The following LRP1B variants were observed in gnomAD, a reference collection of about 807,000 sequenced individuals.
LRP1B encodes the protein LDL receptor related protein 1B.
A neutral mutation model predicts 556.6 loss-of-function variants in LRP1B; 217 were observed. The observed-to-expected ratio is 0.39, with a 90% confidence interval of 0.35 to 0.44. The LOEUF (loss-of-function observed/expected upper bound fraction) is 0.44, where lower values mean the gene tolerates loss of function less well. LRP1B is among the 20% of genes least tolerant of loss of function. The probability of loss-of-function intolerance (pLI) is 1.00; values close to 1 mark genes in which losing one functional copy is unlikely to be tolerated. For missense variants in LRP1B, 5,053 were observed against 5,620.8 expected (o/e 0.90, Z 3.23); for synonymous variants, 2,047 against 1,865.8 (o/e 1.10, Z -2.50).
intron 6 of LRP1B, among the ~76,000 whole-genome samples, chr2:141,197,723 G>T (rs762487203): frequency 2.6e-5 from 4 of 152,074 alleles, no homozygotes; most frequent in Non-Finnish European, 5.9e-5. Context: ...GGGAAATATG[G>T]TAACTTCAAA....
intron 2 of LRP1B, among the ~76,000 whole-genome samples, chr2:141,669,011 G>C (rs1301694874): frequency 6.6e-6 from 1 of 152,152 alleles, no homozygotes; most frequent in Admixed American, 6.5e-5. Flanking sequence ...GAACTCTGCT[G>C]TTTTAATATC....
intron 41 of LRP1B, chr2:140,683,485 G>A (rs777766862): frequency 1.4e-4 from 81 of 572,224 alleles, no homozygotes; most frequent in Non-Finnish European, 1.1e-4. Flanking sequence ...CTGACCCAAG[G>A]TTTGAGATCT....
chr2:140,683,718 C>A, intron 41 of LRP1B: 2 of 751,598 alleles, frequency 2.7e-6, no homozygotes, highest in Admixed American at 3.7e-5. Context: ...TAGAGACACT[C>A]TGTGCTCCCC....
intron 41 of LRP1B, among the ~76,000 whole-genome samples, chr2:140,640,224 C>G (rs1201087415): frequency 3.9e-5 from 5 of 129,334 alleles, no homozygotes; most frequent in African/African-American, 1.6e-4. Context: ...GATCTCCTGA[C>G]TCGTGATCCA....
intron 11 of LRP1B, among the ~76,000 whole-genome samples, chr2:141,045,413 A>T (rs1461587059): frequency 3.4e-5 from 5 of 148,512 alleles, no homozygotes; most frequent in Non-Finnish European, 7.4e-5. Context: ...TAAAACTTAA[A>T]GTGTAATAAT....
chr2:141,411,123 G>A (rs1346826715), intron 3 of LRP1B, among the ~76,000 whole-genome samples: 2 of 151,964 alleles, frequency 1.3e-5, no homozygotes, highest in East Asian at 3.9e-4. Context: ...CTTAGATAAG[G>A]AAACAGAAGA....
At chr2:141,059,836 G>A (rs113368001) in intron 8 of LRP1B, among the ~76,000 whole-genome samples, 63 of 151,732 alleles carry the variant, frequency 4.2e-4, no homozygotes, top group African/African-American at 1.4e-3. Context: ...GAATACATGT[G>A]CTGATTTTCT....
At chr2:142,001,411 G>C (rs928959209) in intron 1 of LRP1B, among the ~76,000 whole-genome samples, 2 of 152,118 alleles carry the variant, frequency 1.3e-5, no homozygotes, top group African/African-American at 4.8e-5. Flanking sequence ...ATCCAATAAA[G>C]TCTCGTGAAG....
At chr2:140,324,701 CTGAAATTTA>C (rs1476766654) in intron 80 of LRP1B, among the ~76,000 whole-genome samples, 1 of 151,708 alleles carries the variant, frequency 6.6e-6, no homozygotes, top group Non-Finnish European at 1.5e-5. Flanking sequence ...ACTTTTGAAA[CTGAAATTTA>C]TAACAAAACG....
chr2:141,597,142 G>A (rs781709655), intron 2 of LRP1B, among the ~76,000 whole-genome samples: 1 of 151,786 alleles, frequency 6.6e-6, no homozygotes, highest in Non-Finnish European at 1.5e-5. Context: ...TTGACCCAAA[G>A]TGATTCTGAC....
At chr2:140,898,601 A>G (rs1406403002) in intron 23 of LRP1B, 2 of 343,086 alleles carry the variant, frequency 5.8e-6, no homozygotes, top group Non-Finnish European at 1.2e-5. Flanking sequence ...CTGATACAAA[A>G]GTTCACTCTG....
At chr2:141,432,245 A>T (rs1001809623) in intron 3 of LRP1B, among the ~76,000 whole-genome samples, 1 of 152,084 alleles carries the variant, frequency 6.6e-6, no homozygotes, top group Non-Finnish European at 1.5e-5. Context: ...ATTAATATTA[A>T]CACTAATTTT....
At chr2:141,082,897 T>G (rs1240819562) in intron 7 of LRP1B, among the ~76,000 whole-genome samples, 1 of 152,214 alleles carries the variant, frequency 6.6e-6, no homozygotes, top group Non-Finnish European at 1.5e-5. Flanking sequence ...TGGGCCAAAG[T>G]GGCCATATTT....
intron 35 of LRP1B, among the ~76,000 whole-genome samples, chr2:140,719,109 T>C (rs918388644): frequency 6.6e-6 from 1 of 152,160 alleles, no homozygotes; most frequent in Non-Finnish European, 1.5e-5. Context: ...GCTGGGACTT[T>C]ATTTCATTTG....
chr2:142,110,300 A>G (rs1706926570), intron 1 of LRP1B, among the ~76,000 whole-genome samples: 2 of 152,296 alleles, frequency 1.3e-5, no homozygotes, highest in South Asian at 4.1e-4. Context: ...GTGAAAAGAT[A>G]TAATGAAAAT....
At chr2:141,450,167 G>C (rs894267107) in intron 3 of LRP1B, among the ~76,000 whole-genome samples, 1 of 152,130 alleles carries the variant, frequency 6.6e-6, no homozygotes, top group African/African-American at 2.4e-5. Context: ...GAGATAGAAA[G>C]ATGTTACCAA....
At chr2:140,305,358 A>G (rs1684021004) in intron 83 of LRP1B, among the ~76,000 whole-genome samples, 1 of 152,064 alleles carries the variant, frequency 6.6e-6, no homozygotes, top group Admixed American at 6.5e-5. Flanking sequence ...TTTCTCCTTG[A>G]AGAGGTTCTT....
intron 35 of LRP1B, among the ~76,000 whole-genome samples, chr2:140,732,852 A>G (rs1001525347): frequency 1.3e-5 from 2 of 152,194 alleles, no homozygotes; most frequent in African/African-American, 2.4e-5. Context: ...ATTTTGATTC[A>G]GTGAGAATAC....
chr2:141,256,279 A>G (rs748180423), intron 3 of LRP1B, among the ~76,000 whole-genome samples: 11 of 152,004 alleles, frequency 7.2e-5, no homozygotes, highest in Non-Finnish European at 8.8e-5. Flanking sequence ...AGAGGACAAT[A>G]TGAGAAAGTA....
Sources: allele counts gnomAD v4.1 joint callset (sites outside exome capture counted in the v4.1 genomes callset), GRCh38; gene constraint gnomAD v4.1.1; transcripts MANE v1.5; gene names NCBI Gene and HGNC (gene_info 2026-07-23, HGNC 2026-07-21).